The following TNFRSF9 variants were observed in gnomAD, a reference collection of about 807,000 sequenced individuals.
TNFRSF9 encodes TNF receptor superfamily member 9.
In TNFRSF9, 16 loss-of-function variants were observed where a neutral mutation model predicts 28.8. The ratio of observed to expected loss-of-function variants is 0.55; its 90% CI spans 0.38 to 0.84. The LOEUF is 0.84. TNFRSF9 is among the 40% of genes least tolerant of loss of function. The probability of loss-of-function intolerance (pLI) is 0.00; values close to 1 mark genes in which losing one functional copy is unlikely to be tolerated. For synonymous variants in TNFRSF9, 131 were observed against 117.0 expected, an observed-to-expected ratio of 1.12 and a Z score of -0.77; for missense variants, 303 against 315.0, an observed-to-expected ratio of 0.96 and a Z score of 0.29.
At chr1:7,937,016 T>A (rs1323523007) in intron 5 of TNFRSF9, among the ~76,000 whole-genome samples, 2 of 152,198 alleles carry the variant, frequency 1.3e-5, no homozygotes, top group African/African-American at 4.8e-5. Flanking sequence ...CTGTGCCACA[T>A]TTTGGAGGGT....
chr1:7,935,676 C>T (rs1421433543), intron 5 of TNFRSF9, among the ~76,000 whole-genome samples: 1 of 152,056 alleles, frequency 6.6e-6, no homozygotes, highest in Non-Finnish European at 1.5e-5. Context: ...AATTAAAAGA[C>T]AAACAAAAAT....
intron 7 of TNFRSF9, 38 bp from the exon 8 acceptor site, chr1:7,920,961 C>G: frequency 7.2e-7 from 1 of 1,381,340 alleles, no homozygotes; most frequent in Non-Finnish European, 1.0e-6. Context: ...ATTTTGTTGT[C>G]TATTTGAATC....
chr1:7,922,553 T>G (rs558729438), intron 7 of TNFRSF9, among the ~76,000 whole-genome samples: 2 of 152,260 alleles, frequency 1.3e-5, no homozygotes, highest in East Asian at 3.9e-4. Context: ...GACTCACATC[T>G]GTAATCCCAG....
intron 6 of TNFRSF9, among the ~76,000 whole-genome samples, chr1:7,934,452 T>C (rs1485494020): frequency 6.6e-6 from 1 of 151,590 alleles, no homozygotes; most frequent in Non-Finnish European, 1.5e-5. Context: ...GGCTCACACC[T>C]GTAATCCCAG....
intron 7 of TNFRSF9, among the ~76,000 whole-genome samples, chr1:7,924,610 G>C (rs972445283): frequency 3.3e-5 from 5 of 151,992 alleles, no homozygotes; most frequent in African/African-American, 7.3e-5. Flanking sequence ...CTGGGCAACA[G>C]AGCAAGACTC....
At chr1:7,921,634 C>G (rs2151410731) in intron 7 of TNFRSF9, among the ~76,000 whole-genome samples, 1 of 152,202 alleles carries the variant, frequency 6.6e-6, no homozygotes, top group South Asian at 2.1e-4. Context: ...CGCCACTGCA[C>G]TCCAGCCTGG....
chr1:7,939,654 T>C (rs1174163801), intron 2 of TNFRSF9, among the ~76,000 whole-genome samples: 2 of 152,336 alleles, frequency 1.3e-5, no homozygotes, highest in East Asian at 3.9e-4. Flanking sequence ...CATTTGATCC[T>C]CCCAGCCATC....
Position 7,938,296 on chromosome 1 carries a change from G to C in TNFRSF9, c.243C>G (p.Thr81=), listed in dbSNP as rs751317296. 3 of 1,609,298 alleles carry C rather than the reference G, an allele frequency of 1.9e-6. No homozygotes were observed. The South Asian group carries it at 3.3e-5, about 18-fold the overall frequency. Residue 81 remains threonine, a synonymous_variant, in exon 4 of 8, where the codon ACC becomes ACG. Coordinates refer to ENST00000377507, the MANE Select transcript of TNFRSF9 (RefSeq NM_001561.6). ...GAGTGCAGTCACACTCTGCATTGCT[G>C]GTGGAGGAACACTCCTTCCTGGTCC... is the stretch of plus-strand genomic sequence containing the variant. ...VFRTRKECSS[T]SNAECDCTPG...
rs1336809913 is a variant in TNFRSF9, at chr1:7,918,751, C to A, written c.*2084G>T. On this transcript the variant is annotated 3_prime_UTR_variant, in exon 8 of 8. Coordinates refer to ENST00000377507, the MANE Select transcript of TNFRSF9 (RefSeq NM_001561.6). ...ACACAAATGGTATATAAATATTTGA[C>A]AAGGTGCTCATCAGTAACCAAGCAA... The A allele has an allele frequency of 6.6e-6, 1 of 152,100 alleles. No homozygotes were observed. Among genetic ancestry groups the A allele is most frequent in the Non-Finnish European group, 1.5e-5 (1 of 68,024 alleles). 9.4% of individuals were successfully genotyped at this position (152,100 alleles called of 1,614,324 possible). A position where few individuals can be genotyped will look rare whatever the true frequency, so the allele number is the denominator to read the frequency against.
At chr1:7,939,507 C>A (rs1472332884) in intron 2 of TNFRSF9, among the ~76,000 whole-genome samples, 2 of 152,188 alleles carry the variant, frequency 1.3e-5, no homozygotes, top group African/African-American at 4.8e-5. Flanking sequence ...TTAAATGCGA[C>A]TGACCGTCCC....
In TNFRSF9 at chr1:7,932,968, C is replaced by A. The variant is rs540085540; in HGVS notation, c.679+194G>T. Among the ~76,000 whole-genome samples, 3 of 152,262 alleles carry A rather than the reference C, an allele frequency of 2.0e-5. No homozygotes were observed. In the South Asian group the frequency reaches 6.2e-4, roughly 32 times the overall value. On this transcript the variant is annotated intron_variant, in intron 7 of 7. Transcript: ENST00000377507. ...AGATGCAATAGCCCCTAATCACCAC[C>A]ATCACCACCGAGCGGTGAACACTGC...
chr1:7,917,119 T>G lies in TNFRSF9; in HGVS notation c.*3716A>C, dbSNP rs1214306650. 2 of 152,010 alleles carry G rather than the reference T, an allele frequency of 1.3e-5. No individual in the cohort carries two copies. The highest frequency in any genetic ancestry group is 6.6e-5 in the Admixed American group (1 of 15,254). The allele number at this position is 152,010 out of a possible 1,614,324, so 9.4% of individuals were successfully genotyped here. On this transcript the variant is annotated 3_prime_UTR_variant, in exon 8 of 8. Coordinates refer to ENST00000377507, the MANE Select transcript of TNFRSF9 (RefSeq NM_001561.6). ...TAATTTTTGTATTTTTTAGTAGAGA[T>G]GGGGTTTCACCATGTTGGCCAGGCT...
In TNFRSF9 at chr1:7,916,489, G is replaced by T. The variant is rs911922246; in HGVS notation, c.*4346C>A. 2 of 152,078 alleles carry T rather than the reference G, an allele frequency of 1.3e-5. No homozygotes were observed. Among genetic ancestry groups the T allele is most frequent in the Non-Finnish European group, 2.9e-5 (2 of 68,014 alleles). The allele number at this position is 152,078 out of a possible 1,614,324, so 9.4% of individuals were successfully genotyped here. On this transcript the variant is annotated 3_prime_UTR_variant, in exon 8 of 8. Transcript: ENST00000377507. ...TTCACAGAATAAACTGTGGATTTTC[G>T]GTGTGTAACCTAGGACACATGAGAG...
rs1355343924 is a variant in TNFRSF9 at position 7,919,378 on chromosome 1, C to G, written c.*1457G>C. 1 of 152,126 alleles carries G rather than the reference C, an allele frequency of 6.6e-6. No individual in the cohort carries two copies. The highest frequency in any genetic ancestry group is 2.4e-5 in the African/African-American group (1 of 41,428). 9.4% of individuals were successfully genotyped at this position (152,126 alleles called of 1,614,324 possible). A position where few individuals can be genotyped will look rare whatever the true frequency, so the allele number is the denominator to read the frequency against. On this transcript the variant is annotated 3_prime_UTR_variant, in exon 8 of 8. Coordinates refer to ENST00000377507, the MANE Select transcript of TNFRSF9 (RefSeq NM_001561.6). ...TAAAAATTAGCCAGGCGTGGTGGCA[C>G]ATACCTGTAGTCCCAGCTACTTAGG...
chr1:7,930,548 A>G (rs1639719638), intron 7 of TNFRSF9, among the ~76,000 whole-genome samples: 1 of 152,206 alleles, frequency 6.6e-6, no homozygotes, highest in Admixed American at 6.6e-5. Flanking sequence ...GCTTGAGCCC[A>G]GGAGTTTAAG....
intron 7 of TNFRSF9, among the ~76,000 whole-genome samples, chr1:7,932,354 T>C (rs1639743336): frequency 6.6e-6 from 1 of 152,210 alleles, no homozygotes; most frequent in Non-Finnish European, 1.5e-5. Context: ...TCCATCTATA[T>C]ACTTTTTCAA....
At chr1:7,928,885 AAAC>A (rs1353299639) in intron 7 of TNFRSF9, among the ~76,000 whole-genome samples, 2 of 152,122 alleles carry the variant, frequency 1.3e-5, no homozygotes, top group African/African-American at 2.4e-5. Flanking sequence ...TCTCAAAAAC[AAAC>A]AACAACAATA....
rs1639475552 is a variant in TNFRSF9, at chr1:7,916,117, C to T, written c.*4718G>A. ...AACTTTCCGTCAGAGTGATATCTTC[C>T]ACTAAAGAAAAAAAATTAAAACTTT... On this transcript the variant is annotated 3_prime_UTR_variant, in exon 8 of 8. Coordinates refer to ENST00000377507, the MANE Select transcript of TNFRSF9 (RefSeq NM_001561.6). 2 of 151,844 alleles carry T rather than the reference C, an allele frequency of 1.3e-5. No homozygotes were observed. The highest frequency in any genetic ancestry group is 4.8e-5 in the African/African-American group (2 of 41,316). 9.4% of individuals were successfully genotyped at this position (151,844 alleles called of 1,614,324 possible). A position where few individuals can be genotyped will look rare whatever the true frequency, so the allele number is the denominator to read the frequency against.
chr1:7,933,257 G>T lies in TNFRSF9; in HGVS notation c.584C>A (p.Thr195Lys), dbSNP rs201149426. Residue 195 changes from threonine (T) to lysine (K), a missense_variant, in exon 7 of 8, where the codon ACG (threonine) becomes AAG (lysine). Coordinates refer to ENST00000377507, the MANE Select transcript of TNFRSF9 (RefSeq NM_001561.6). ...CAGCAGGAAGAGCAACGCAGTCGAC[G>T]TCAGCGCAAGAAAGAAGGAGATGAT... ...PQIISFFLALTSTALLFLLFF... is the reference protein window; with the variant it reads ...PQIISFFLALKSTALLFLLFF... 1 of 1,613,900 alleles carries T rather than the reference G, an allele frequency of 6.2e-7. No individual in the cohort carries two copies.
Sources: gnomAD v4.1 joint callset for allele counts (sites outside exome capture counted in the v4.1 genomes callset) on GRCh38, gnomAD v4.1.1 for gene constraint, MANE v1.5 for transcripts, NCBI Gene and HGNC (gene_info 2026-07-23, HGNC 2026-07-21) for gene names.